The following HTR7 variants were observed in gnomAD, a reference collection of about 807,000 sequenced individuals.
HTR7 encodes 5-HT-7.
In HTR7, 16 loss-of-function variants were observed where a neutral mutation model predicts 34.0. The observed-to-expected ratio is 0.47, with a 90% CI of 0.32 to 0.71. The LOEUF (loss-of-function observed/expected upper bound fraction) is 0.71, where lower values mean the gene tolerates loss of function less well. Ranked by LOEUF, HTR7 falls within the 30% of genes least tolerant of loss-of-function variation. HTR7 has a pLI of 0.04. For synonymous variants in HTR7, 265 were observed against 260.2 expected (o/e 1.02, Z -0.18); for missense variants, 504 against 625.5 (o/e 0.81, Z 2.07).
intron 1 of HTR7, among the ~76,000 whole-genome samples, chr10:90,827,339 A>T (rs749643770): frequency 6.6e-6 from 1 of 152,164 alleles, no homozygotes; most frequent in Non-Finnish European, 1.5e-5. Flanking sequence ...AGAGCACAGG[A>T]ATTTGAGACC....
chr10:90,819,108 T>C (rs996967861), intron 1 of HTR7, among the ~76,000 whole-genome samples: 1 of 152,186 alleles, frequency 6.6e-6, no homozygotes, highest in Non-Finnish European at 1.5e-5. Flanking sequence ...AGTGTGAGAA[T>C]AGACTAATAC....
chr10:90,812,996 T>C (rs1166245061), intron 1 of HTR7, among the ~76,000 whole-genome samples: 1 of 152,184 alleles, frequency 6.6e-6, no homozygotes, highest in African/African-American at 2.4e-5. Context: ...TGACATTGTC[T>C]TGTGAAATTC....
At chr10:90,818,044 C>G (rs1845923421) in intron 1 of HTR7, among the ~76,000 whole-genome samples, 1 of 152,052 alleles carries the variant, frequency 6.6e-6, no homozygotes, top group African/African-American at 2.4e-5. Flanking sequence ...AACTAGAGGA[C>G]AGAAGTGGGT....
chr10:90,842,017 A>AAAC (rs139561779), intron 1 of HTR7, among the ~76,000 whole-genome samples: 155 of 151,982 alleles, frequency 1.0e-3, no homozygotes, highest in Middle Eastern at 6.8e-3. Flanking sequence ...ACAAAAACAA[A>AAAC]AACAACAACA....
chr10:90,818,811 C>T (rs1001202066), intron 1 of HTR7, among the ~76,000 whole-genome samples: 6 of 152,152 alleles, frequency 3.9e-5, no homozygotes, highest in Admixed American at 1.3e-4. Context: ...GGAGAAAAGG[C>T]CTGGTGGAAG....
At chr10:90,808,222 T>C (rs920599992) in intron 1 of HTR7, among the ~76,000 whole-genome samples, 3 of 151,664 alleles carry the variant, frequency 2.0e-5, no homozygotes, top group Admixed American at 6.6e-5. Context: ...CCCCAACCCC[T>C]TCTCTCTGTG....
At chr10:90,752,608 A>G (rs1844757294) in intron 1 of HTR7, among the ~76,000 whole-genome samples, 1 of 152,106 alleles carries the variant, frequency 6.6e-6, no homozygotes, top group Non-Finnish European at 1.5e-5. Flanking sequence ...AGGGATACTT[A>G]TCCCATTAAA....
intron 1 of HTR7, among the ~76,000 whole-genome samples, chr10:90,833,336 T>G (rs1846205650): frequency 6.6e-6 from 1 of 152,196 alleles, no homozygotes; most frequent in Admixed American, 6.5e-5. Flanking sequence ...AGACCATATT[T>G]TACATTCCCT....
At chr10:90,777,638 A>G (rs778777668) in intron 1 of HTR7, among the ~76,000 whole-genome samples, 19 of 152,200 alleles carry the variant, frequency 1.2e-4, no homozygotes, top group Admixed American at 3.9e-4. Flanking sequence ...AAGAAATTTC[A>G]TTTTGGTCTC....
intron 1 of HTR7, among the ~76,000 whole-genome samples, chr10:90,828,344 AAAT>A (rs1310778631): frequency 6.6e-6 from 1 of 152,162 alleles, no homozygotes; most frequent in Non-Finnish European, 1.5e-5. Context: ...ATCAGTAGAC[AAAT>A]AATAAATATC....
rs760601468 is a variant in HTR7, at chr10:90,857,393, C to T, written c.279G>A (p.Leu93=). 6.2e-7 allele frequency: 1 copy of T among 1,614,112 alleles called. No individual in the cohort carries two copies. The highest frequency in any genetic ancestry group is 1.1e-5 in the South Asian group (1 of 91,068). ...CCAGGCAGTTGCCCGCGATCGTCAG[C>T]AGCGTGATGAGCGTCAGGATGGAGC... ...VIGSILTLIT[L]LTIAGNCLVV... is the part of the protein sequence containing the mutation. The change falls in exon 1 of 4, where the codon CTG becomes CTA. Residue 93 remains leucine, a synonymous_variant. Transcript: ENST00000336152. The surrounding 1 kb of genome is among the most constrained non-coding windows in gnomAD (Gnocchi z 6.5).
At chr10:90,791,401 T>C (rs1022816449) in intron 1 of HTR7, among the ~76,000 whole-genome samples, 2 of 152,064 alleles carry the variant, frequency 1.3e-5, no homozygotes, top group Non-Finnish European at 2.9e-5. Flanking sequence ...AAAGGTTATA[T>C]GGATAACCTA....
intron 1 of HTR7, among the ~76,000 whole-genome samples, chr10:90,809,641 T>C (rs1845769370): frequency 1.3e-5 from 2 of 152,174 alleles, no homozygotes; most frequent in Non-Finnish European, 1.5e-5. Flanking sequence ...AACTTCCAAA[T>C]GCCTGAACCG....
chr10:90,744,443 C>CT (rs1844603915), intron 2 of HTR7, among the ~76,000 whole-genome samples: 1 of 151,998 alleles, frequency 6.6e-6, no homozygotes, highest in Non-Finnish European at 1.5e-5. Flanking sequence ...CACAGTGCTA[C>CT]TGCATCAGTC....
At chr10:90,794,885 T>TCACAAAC (rs1212928804) in intron 1 of HTR7, among the ~76,000 whole-genome samples, 1 of 152,184 alleles carries the variant, frequency 6.6e-6, no homozygotes, top group Non-Finnish European at 1.5e-5. Context: ...AACACGTGAG[T>TCACAAAC]AAGGCATTGT....
At chr10:90,820,795 G>C (rs1845967238) in intron 1 of HTR7, among the ~76,000 whole-genome samples, 1 of 152,100 alleles carries the variant, frequency 6.6e-6, no homozygotes, top group Non-Finnish European at 1.5e-5. Flanking sequence ...TATTGCTTTT[G>C]AACCACTAAA....
intron 1 of HTR7, among the ~76,000 whole-genome samples, chr10:90,842,483 C>G (rs990817236): frequency 6.6e-6 from 1 of 152,190 alleles, no homozygotes; most frequent in Non-Finnish European, 1.5e-5. Flanking sequence ...GTACTCCTAA[C>G]CTCTATCAGC....
At chr10:90,845,432 A>G (rs575381601) in intron 1 of HTR7, among the ~76,000 whole-genome samples, 106 of 152,300 alleles carry the variant, frequency 7.0e-4, no homozygotes, top group African/African-American at 2.5e-3. Flanking sequence ...CCAGTCACAT[A>G]CAATGTATGT....
chr10:90,746,211 A>G (rs1844630903), intron 2 of HTR7, among the ~76,000 whole-genome samples: 1 of 152,212 alleles, frequency 6.6e-6, no homozygotes, highest in Admixed American at 6.5e-5. Context: ...AAATTCACAT[A>G]AAGTGCTCAG....
Sources: gnomAD v4.1 joint callset for allele counts (sites outside exome capture counted in the v4.1 genomes callset) on GRCh38, gnomAD v4.1.1 for gene constraint, Gnocchi (gnomAD v3.1) non-coding constraint, MANE v1.5 for transcripts, NCBI Gene and HGNC (gene_info 2026-07-23, HGNC 2026-07-21) for gene names.